AFF3: variants seen among roughly 807,000 people sequenced by gnomAD.
AFF3 encodes ALF transcription elongation factor 3.
AFF3 carries 32 observed loss-of-function variants against 129.7 expected under a neutral mutation model. The observed-to-expected ratio is 0.25, with a 90% confidence interval of 0.19 to 0.33. AFF3 has a LOEUF of 0.33. Among genes scored for constraint, AFF3 ranks in the 10% least tolerant of loss-of-function variants. The probability of loss-of-function intolerance (pLI) is 1.00; values close to 1 mark genes in which losing one functional copy is unlikely to be tolerated. For missense variants in AFF3, 1,373 were observed against 1,592.0 expected, an observed-to-expected ratio of 0.86 and a Z score of 2.34; for synonymous variants, 644 against 635.4, an observed-to-expected ratio of 1.01 and a Z score of -0.20.
At chr2:99,837,601 T>C (rs1576146839) in intron 7 of AFF3, 77 bp from the exon 8 acceptor site, 2 of 1,339,150 alleles carry the variant, frequency 1.5e-6, no homozygotes, top group East Asian at 2.4e-5. Context: ...GGTTCCAAAT[T>C]AGTCCCCCCC....
intron 8 of AFF3, among the ~76,000 whole-genome samples, chr2:99,761,385 C>T (rs1274741998): frequency 6.6e-6 from 1 of 152,116 alleles, no homozygotes; most frequent in African/African-American, 2.4e-5. Flanking sequence ...TCCATTTTCA[C>T]GTCTACTCTA....
intron 7 of AFF3, among the ~76,000 whole-genome samples, chr2:99,990,038 T>G (rs2104577675): frequency 6.6e-6 from 1 of 152,286 alleles, no homozygotes; most frequent in Non-Finnish European, 1.5e-5. Context: ...CAAGAAAAGC[T>G]GTATTCTAGA....
At position 99,705,897 on chromosome 2, in the gene AFF3, A is replaced by AG. The variant is rs1331998870; in HGVS notation, c.1091+21179_1091+21180insC. Among the ~76,000 whole-genome samples, 81 of 151,534 alleles carry AG rather than the reference A, an allele frequency of 5.3e-4. 2 individuals carry two copies. In the South Asian group the frequency reaches 0.016, roughly 30 times the overall value. On this transcript the variant is annotated intron_variant, in intron 11 of 24. Coordinates refer to ENST00000672756, the MANE Select transcript of AFF3 (RefSeq NM_001386135.1). ...CTCAAAAAAAAAAAAAAAAAAAAAA[A>AG]AAACACGCCCTTTGGGTTGCTGAAA... is the stretch of plus-strand genomic sequence containing the variant.
chr2:99,912,736 A>T (rs558704100), intron 7 of AFF3, among the ~76,000 whole-genome samples: 1 of 152,326 alleles, frequency 6.6e-6, no homozygotes, highest in South Asian at 2.1e-4. Context: ...TTCTTAGCTT[A>T]CTGTTTCTCT....
chr2:99,960,031 G>C (rs1316664205), intron 7 of AFF3, among the ~76,000 whole-genome samples: 2 of 152,072 alleles, frequency 1.3e-5, no homozygotes, highest in Admixed American at 1.3e-4. Context: ...CTGGCACAGA[G>C]TGTGTTGATC....
rs566017414 is a variant in AFF3 at position 100,093,122 on chromosome 2, T to C, written c.53+11280A>G. 8.2e-4 allele frequency among the ~76,000 whole-genome samples: 125 copies of C among 152,252 alleles called. 2 individuals carry two copies. The South Asian group carries it at 0.025, about 31-fold the overall frequency. On this transcript the variant is annotated intron_variant, in intron 4 of 24. Coordinates refer to ENST00000672756, the MANE Select transcript of AFF3 (RefSeq NM_001386135.1). The stretch of plus-strand genomic sequence containing the variant: ...TCTAAAACATTACCTTTTTTTTCTT[T>C]CTGAGACAAGGTCTCTCTCTGCCAT...
chr2:100,049,878 C>G (rs1016091280), intron 4 of AFF3, among the ~76,000 whole-genome samples: 4 of 152,166 alleles, frequency 2.6e-5, no homozygotes, highest in African/African-American at 9.7e-5. Flanking sequence ...CTGCCCTATT[C>G]TGAATGTAAG....
At chr2:99,863,156 G>A (rs1691125085) in intron 7 of AFF3, among the ~76,000 whole-genome samples, 1 of 152,170 alleles carries the variant, frequency 6.6e-6, no homozygotes, top group Non-Finnish European at 1.5e-5. Context: ...AATAACAGAG[G>A]TTGAGAAGAA....
chr2:100,086,377 T>C (rs1689431832), intron 4 of AFF3, among the ~76,000 whole-genome samples: 1 of 151,482 alleles, frequency 6.6e-6, no homozygotes, highest in Middle Eastern at 3.4e-3. Flanking sequence ...AAAAATTAGC[T>C]GGGTGTGGTG....
intron 7 of AFF3, among the ~76,000 whole-genome samples, chr2:99,874,914 A>C (rs993630131): frequency 1.3e-5 from 2 of 152,218 alleles, no homozygotes; most frequent in Non-Finnish European, 2.9e-5. Flanking sequence ...CATTAGAGTG[A>C]GACACGGAGA....
At chr2:100,086,810 A>G (rs1689472088) in intron 4 of AFF3, among the ~76,000 whole-genome samples, 1 of 152,398 alleles carries the variant, frequency 6.6e-6, no homozygotes, top group East Asian at 1.9e-4. Context: ...TTATACAGAG[A>G]AACAACATTC....
intron 7 of AFF3, among the ~76,000 whole-genome samples, chr2:99,897,335 AC>A (rs1694047895): frequency 6.6e-6 from 1 of 151,548 alleles, no homozygotes; most frequent in Non-Finnish European, 1.5e-5. Context: ...AAAATAAAAC[AC>A]CCCCCTGGCT....
intron 11 of AFF3, among the ~76,000 whole-genome samples, chr2:99,712,324 CT>C (rs1336062356): frequency 6.6e-6 from 1 of 152,244 alleles, no homozygotes; most frequent in Non-Finnish European, 1.5e-5. Flanking sequence ...AAGACACTCA[CT>C]GGCTGAGCTC....
At chr2:99,704,319 A>C (rs1224857940) in intron 11 of AFF3, among the ~76,000 whole-genome samples, 4 of 151,944 alleles carry the variant, frequency 2.6e-5, no homozygotes, top group Non-Finnish European at 5.9e-5. Context: ...TACTAGAAAC[A>C]AGTTCTCTTA....
At chr2:99,977,422 C>T (rs186800823) in intron 7 of AFF3, among the ~76,000 whole-genome samples, 124 of 152,312 alleles carry the variant, frequency 8.1e-4, no homozygotes, top group Admixed American at 1.3e-3. Flanking sequence ...CCACAGCCTC[C>T]ACCAATCCCT....
chr2:100,054,220 G>A (rs1686587493), intron 4 of AFF3, among the ~76,000 whole-genome samples: 1 of 152,178 alleles, frequency 6.6e-6, no homozygotes, highest in Admixed American at 6.5e-5. Context: ...CATCCTCTGA[G>A]ACTCTGTTTT....
At chr2:99,692,475 T>G (rs1575709539) in intron 11 of AFF3, among the ~76,000 whole-genome samples, 2 of 152,240 alleles carry the variant, frequency 1.3e-5, no homozygotes, top group East Asian at 3.9e-4. Context: ...GGTGAGTGAT[T>G]GCAAAGGACA....
At chr2:99,936,700 T>A (rs909289421) in intron 7 of AFF3, among the ~76,000 whole-genome samples, 2 of 152,160 alleles carry the variant, frequency 1.3e-5, no homozygotes, top group African/African-American at 4.8e-5. Flanking sequence ...CTCGGGCTCA[T>A]GGGGAGAAAT....
intron 4 of AFF3, among the ~76,000 whole-genome samples, chr2:100,082,727 AC>A (rs1257920022): frequency 6.6e-6 from 1 of 152,120 alleles, no homozygotes; most frequent in Non-Finnish European, 1.5e-5. Flanking sequence ...GACCTAGACA[AC>A]TCAAATTCCA....
Sources: allele counts gnomAD v4.1 joint callset (sites outside exome capture counted in the v4.1 genomes callset), GRCh38; gene constraint gnomAD v4.1.1; transcripts MANE v1.5; gene names NCBI Gene and HGNC (gene_info 2026-07-23, HGNC 2026-07-21).